USH2A: variants seen among roughly 807,000 people sequenced by gnomAD.
USH2A encodes usherin.
In USH2A, 443 loss-of-function variants were observed where a neutral mutation model predicts 538.9. The observed-to-expected ratio is 0.82, with a 90% confidence interval of 0.76 to 0.89. The LOEUF (loss-of-function observed/expected upper bound fraction) is 0.89. Ranked by LOEUF, USH2A falls within the 40% of genes least tolerant of loss-of-function variation. USH2A has a pLI of 0.00. For missense variants in USH2A, 6,633 were observed against 6,324.8 expected (o/e 1.05, Z -1.65); for synonymous variants, 2,413 against 2,273.5 (o/e 1.06, Z -1.75).
At chr1:216,078,950 C>T (rs997583287) in intron 26 of USH2A, 1 of 152,176 alleles carries the variant, frequency 6.6e-6, no homozygotes, top group African/African-American at 2.4e-5. Context: ...TATTAGATGA[C>T]TGTACCATTT....
intron 58 of USH2A, among the ~76,000 whole-genome samples, chr1:215,747,153 G>A (rs1411235819): frequency 6.6e-6 from 1 of 152,158 alleles, no homozygotes; most frequent in Non-Finnish European, 1.5e-5. Flanking sequence ...AAAGGACAAT[G>A]TAATGTTAGT....
chr1:215,850,600 A>T (rs910401641), intron 44 of USH2A, among the ~76,000 whole-genome samples: 1 of 152,152 alleles, frequency 6.6e-6, no homozygotes, highest in African/African-American at 2.4e-5. Flanking sequence ...ATAGCAGGGG[A>T]CTTCAATACT....
chr1:216,339,083 CTATAAAT>C (rs1028482952), intron 4 of USH2A, among the ~76,000 whole-genome samples: 5 of 151,438 alleles, frequency 3.3e-5, no homozygotes, highest in African/African-American at 1.2e-4. Context: ...TTGCAATCTT[CTATAAAT>C]TATATAAAGA....
chr1:215,742,924 A>T (rs1204464944), intron 59 of USH2A, among the ~76,000 whole-genome samples: 1 of 152,094 alleles, frequency 6.6e-6, no homozygotes, highest in Non-Finnish European at 1.5e-5. Flanking sequence ...TTTTCTTTCA[A>T]AGGGCCTTAT....
intron 4 of USH2A, among the ~76,000 whole-genome samples, chr1:216,358,790 T>A (rs538904545): frequency 6.6e-6 from 1 of 152,308 alleles, no homozygotes; most frequent in South Asian, 2.1e-4. Flanking sequence ...GGTTTCCTGT[T>A]ACATGTTTTC....
At chr1:215,851,730 T>G (rs1394392099) in intron 44 of USH2A, among the ~76,000 whole-genome samples, 1 of 151,618 alleles carries the variant, frequency 6.6e-6, no homozygotes, top group East Asian at 1.9e-4. Context: ...GGAAAGGACA[T>G]GACAAAAAAG....
intron 52 of USH2A, among the ~76,000 whole-genome samples, chr1:215,783,165 T>C (rs1422028718): frequency 1.3e-5 from 2 of 152,164 alleles, no homozygotes; most frequent in Non-Finnish European, 2.9e-5. Flanking sequence ...TCCCTGTTTC[T>C]GAGCAGAGAA....
chr1:215,704,994 C>A (rs115521594), intron 61 of USH2A, among the ~76,000 whole-genome samples: 2 of 152,200 alleles, frequency 1.3e-5, no homozygotes, highest in South Asian at 4.2e-4. Context: ...TAGATGTCTG[C>A]GGAATGAATA....
At chr1:216,175,099 C>T in intron 21 of USH2A, 153 bp downstream of exon 21, 1 of 1,471,178 alleles carries the variant, frequency 6.8e-7, no homozygotes. Context: ...AAAAGATGGA[C>T]ATGCTGAAAC....
chr1:216,312,551 A>G (rs1198377064), intron 9 of USH2A, among the ~76,000 whole-genome samples: 1 of 152,062 alleles, frequency 6.6e-6, no homozygotes, highest in Non-Finnish European at 1.5e-5. Context: ...AGATTCTTTT[A>G]TCAGCTGTCC....
In USH2A at chr1:216,311,071, C is replaced by T. The variant is rs373816352; in HGVS notation, c.1644+10812G>A. 9.2e-5 allele frequency among the ~76,000 whole-genome samples: 14 copies of T among 152,266 alleles called. 1 individual carries two copies. The highest frequency in any genetic ancestry group is 3.9e-4 in the Admixed American group (6 of 15,288). On this transcript the variant is annotated intron_variant, in intron 9 of 71. Transcript: ENST00000307340. Reference sequence around the variant, plus strand: ...GGGAAGGCTGCCTAAGGGTTTGTGCCGAGGAGAACAGTGAAATAATCCTCC... The same window carrying T: ...GGGAAGGCTGCCTAAGGGTTTGTGCTGAGGAGAACAGTGAAATAATCCTCC...
intron 14 of USH2A, among the ~76,000 whole-genome samples, chr1:216,231,228 T>C (rs1192219212): frequency 1.1e-5 from 1 of 90,106 alleles, no homozygotes; most frequent in African/African-American, 4.4e-5. Context: ...CACATACATA[T>C]ATCCCATATA....
chr1:215,644,550 G>A (rs1439728034), intron 67 of USH2A, among the ~76,000 whole-genome samples: 1 of 152,164 alleles, frequency 6.6e-6, no homozygotes, highest in African/African-American at 2.4e-5. Context: ...GACTAAAAAT[G>A]AAAATCCAAA....
chr1:215,700,209 C>T (rs1410483533), intron 61 of USH2A, among the ~76,000 whole-genome samples: 1 of 152,108 alleles, frequency 6.6e-6, no homozygotes, highest in Non-Finnish European at 1.5e-5. Context: ...TTTGATTTGC[C>T]AGTATTTTAT....
At chr1:215,940,804 C>G (rs1198564623) in intron 37 of USH2A, among the ~76,000 whole-genome samples, 1 of 152,050 alleles carries the variant, frequency 6.6e-6, no homozygotes, top group African/African-American at 2.4e-5. Context: ...TCTTTGACTC[C>G]TCTTTAAATT....
In USH2A at chr1:215,965,398, C is replaced by T. The variant is rs727503721; in HGVS notation, c.7039G>A (p.Val2347Met). 31 of 1,613,764 alleles carry T rather than the reference C, an allele frequency of 1.9e-5. No homozygotes were observed. The highest frequency in any genetic ancestry group is 4.0e-5 in the African/African-American group (3 of 74,904). ...GGGCGAAAAGGTGCTTCCCACCTCA[C>T]GTGGGCTTTCCGGGATCCCTGTGTT... ...VKTQGSRKAH[V>M]RWEAPFRPNG... The change falls in exon 37 of 72, where the codon GTG (valine) becomes ATG (methionine). Residue 2347 changes from valine (V) to methionine (M), a missense_variant. Val to Met is a conservative substitution (Grantham distance 21). Transcript: ENST00000307340.
At position 216,252,330 on chromosome 1, in the gene USH2A, C is replaced by T. The variant is rs74141541; in HGVS notation, c.1972-1232G>A. 4.2e-3 allele frequency among the ~76,000 whole-genome samples: 644 copies of T among 152,302 alleles called. 7 individuals are homozygous for T. Among genetic ancestry groups the T allele is most frequent in the African/African-American group, 0.015 (616 of 41,566 alleles). On this transcript the variant is annotated intron_variant, in intron 11 of 71. Coordinates refer to ENST00000307340, the MANE Select transcript of USH2A (RefSeq NM_206933.4). ...TCTTTTATAGTCCCTGACATTTTCC[C>T]CACTGATTTTCTTTCACTTGGATTG... is the stretch of plus-strand genomic sequence containing the variant.
chr1:216,335,144 A>T (rs1161676457), intron 4 of USH2A, among the ~76,000 whole-genome samples: 1 of 151,778 alleles, frequency 6.6e-6, no homozygotes, highest in African/African-American at 2.4e-5. Context: ...CAATAACAGA[A>T]GCAAATTTGT....
rs1667474404 is a variant in USH2A, at chr1:215,970,717, G to A, written c.6865C>T (p.Leu2289Phe). The change falls in exon 36 of 72, where the codon CTC becomes TTC. Residue 2289 changes from leucine to phenylalanine, a missense_variant. By Grantham distance (22) the Leu-to-Phe change is conservative (BLOSUM62 0). Transcript: ENST00000307340. The part of the protein sequence containing the change: ...DGILIHNSSE[L>F]SYRAYGFAPW... The stretch of plus-strand genomic sequence containing the variant: ...GCAAATCCGTAAGCACGATAGCTGA[G>A]TTCTGAGGAATTGTGGATTAATATA... 3 of 1,613,532 alleles carry A rather than the reference G, an allele frequency of 1.9e-6. No individual in the cohort carries two copies. The highest frequency in any genetic ancestry group is 1.7e-5 in the Admixed American group (1 of 59,924).
Sources: allele counts gnomAD v4.1 joint callset (sites outside exome capture counted in the v4.1 genomes callset), GRCh38; gene constraint gnomAD v4.1.1; transcripts MANE v1.5; gene names NCBI Gene and HGNC (gene_info 2026-07-23, HGNC 2026-07-21).